The following KCNN3 variants were observed in gnomAD, a reference collection of about 807,000 sequenced individuals.
KCNN3 encodes potassium calcium-activated channel subfamily N member 3, also known as small conductance calcium-activated potassium channel protein 3.
KCNN3 carries 16 observed loss-of-function variants against 62.9 expected under a neutral mutation model. The ratio of observed to expected loss-of-function variants is 0.25; its 90% CI spans 0.17 to 0.39. The LOEUF is 0.39. Ranked by LOEUF, KCNN3 falls within the 10% of genes least tolerant of loss-of-function variation. The pLI is 1.00. For synonymous variants in KCNN3, 370 were observed against 389.2 expected (o/e 0.95, Z 0.58); for missense variants, 599 against 949.4 (o/e 0.63, Z 4.85).
chr1:154,795,782 C>T (rs1649710332), intron 2 of KCNN3, among the ~76,000 whole-genome samples: 1 of 152,124 alleles, frequency 6.6e-6, no homozygotes, highest in Non-Finnish European at 1.5e-5. Context: ...CATGCAGAGG[C>T]CCAGAGACGT....
chr1:154,813,446 A>G (rs890899593), intron 2 of KCNN3, among the ~76,000 whole-genome samples: 1 of 152,066 alleles, frequency 6.6e-6, no homozygotes, highest in Non-Finnish European at 1.5e-5. Flanking sequence ...TTAAGCCCGC[A>G]GGGGAGGAGG....
At chr1:154,754,760 G>A (rs146644848) in intron 3 of KCNN3, among the ~76,000 whole-genome samples, 6 of 152,246 alleles carry the variant, frequency 3.9e-5, no homozygotes, top group South Asian at 2.1e-4. Flanking sequence ...ACACCTTTCC[G>A]GACTTCTTTG....
chr1:154,805,325 T>C (rs1650125163), intron 2 of KCNN3, among the ~76,000 whole-genome samples: 1 of 152,166 alleles, frequency 6.6e-6, no homozygotes, highest in Non-Finnish European at 1.5e-5. Context: ...TCAAATCACC[T>C]GGGGAGCTTG....
intron 2 of KCNN3, among the ~76,000 whole-genome samples, chr1:154,803,125 T>C (rs1261221829): frequency 6.6e-6 from 1 of 152,150 alleles, no homozygotes; most frequent in African/African-American, 2.4e-5. Context: ...CCAGGCTTTG[T>C]GAAGTGGCTC....
intron 2 of KCNN3, among the ~76,000 whole-genome samples, chr1:154,781,915 G>T (rs939059287): frequency 1.3e-5 from 2 of 152,170 alleles, no homozygotes; most frequent in Non-Finnish European, 2.9e-5. Context: ...GCCAGGAAGA[G>T]AATAAGACAG....
At chr1:154,761,370 A>G (rs982457350) in intron 3 of KCNN3, among the ~76,000 whole-genome samples, 2 of 152,142 alleles carry the variant, frequency 1.3e-5, no homozygotes, top group Non-Finnish European at 2.9e-5. Context: ...CAGGAGGGTG[A>G]GGCATGAGAA....
chr1:154,783,157 G>C (rs1301190814), intron 2 of KCNN3, among the ~76,000 whole-genome samples: 1 of 151,044 alleles, frequency 6.6e-6, no homozygotes, highest in Non-Finnish European at 1.5e-5. Flanking sequence ...AGCTTGCAGT[G>C]AGTCGAGATC....
intron 7 of KCNN3, among the ~76,000 whole-genome samples, chr1:154,711,960 G>GGGAGAGGAAGAGAGAGACAGGGAGAC (rs1557936667): frequency 6.6e-6 from 1 of 151,458 alleles, no homozygotes; most frequent in East Asian, 1.9e-4. Flanking sequence ...GACAGGGAAA[G>GGGAGAGGAAGAGAGAGACAGGGAGAC]GGAGAGGAAG....
chr1:154,862,746 T>G lies in KCNN3; in HGVS notation c.933+6286A>C, dbSNP rs1287492609. Among the ~76,000 whole-genome samples, 1 of 152,088 alleles carries G rather than the reference T, an allele frequency of 6.6e-6. No individual in the cohort carries two copies. Among genetic ancestry groups the G allele is most frequent in the Non-Finnish European group, 1.5e-5 (1 of 68,006 alleles). On this transcript the variant is annotated intron_variant, in intron 1 of 7. Transcript: ENST00000271915. This position sits in a 1 kb window ranked among gnomAD's most constrained non-coding sequence, Gnocchi z 4.1. ...TGCCCTGGCCACCCCTCCAGCACTG[T>G]CTTCTCCAGGACCTGCGCCAGCATC...
intron 3 of KCNN3, among the ~76,000 whole-genome samples, chr1:154,763,892 A>G (rs1183610958): frequency 6.6e-6 from 1 of 152,240 alleles, no homozygotes; most frequent in Non-Finnish European, 1.5e-5. Flanking sequence ...TCAGATTATC[A>G]ATCTCATTTT....
chr1:154,842,686 T>C (rs1386870773), intron 1 of KCNN3, among the ~76,000 whole-genome samples: 1 of 133,558 alleles, frequency 7.5e-6, no homozygotes, highest in Admixed American at 9.1e-5. Flanking sequence ...CTGACATAAT[T>C]AAATGCTCAG....
intron 3 of KCNN3, among the ~76,000 whole-genome samples, chr1:154,761,576 C>G (rs7527786): frequency 0.21 from 31,636 of 152,112 alleles, 3,378 homozygotes; most frequent in South Asian, 0.23. Flanking sequence ...CTACATAATG[C>G]TATTTTGTAC....
At chr1:154,819,200 G>A (rs1218601) in intron 2 of KCNN3, among the ~76,000 whole-genome samples, 33,909 of 152,142 alleles carry the variant, frequency 0.22, 4,243 homozygotes, top group Middle Eastern at 0.41. Flanking sequence ...TCCACTCGCA[G>A]GAAGCAGGTT....
rs1223647910 is a variant in KCNN3 at position 154,768,493 on chromosome 1, G to T, written c.1448+3482C>A. Among the ~76,000 whole-genome samples the T allele has an allele frequency of 2.0e-5, 3 of 152,212 alleles. No individual in the cohort carries two copies. The East Asian group carries it at 5.8e-4, about 29-fold the overall frequency. On this transcript the variant is annotated intron_variant, in intron 3 of 7. Transcript: ENST00000271915. ...TGCTCTCAGGATCAATACCTCTGGG[G>T]TATAGAGGAAGTTCCCGGATGCAGT...
rs796385250 is a variant in KCNN3, at chr1:154,772,759, G to A, written c.1030-366C>T. On this transcript the variant is annotated intron_variant, in intron 2 of 7. Transcript: ENST00000271915. This position sits in a 1 kb window ranked among gnomAD's most constrained non-coding sequence, Gnocchi z 5.6. ...ATTTCCAAAGTGATAAGTGTCATTT[G>A]TATGCTAATGAGATGACTAGTGGCT... Among the ~76,000 whole-genome samples, 1 of 152,262 alleles carries A rather than the reference G, an allele frequency of 6.6e-6. No individual in the cohort carries two copies. The highest frequency in any genetic ancestry group is 1.9e-4 in the East Asian group (1 of 5,188).
chr1:154,786,008 A>C (rs990573486), intron 2 of KCNN3, among the ~76,000 whole-genome samples: 5 of 152,176 alleles, frequency 3.3e-5, no homozygotes, highest in Non-Finnish European at 5.9e-5. Flanking sequence ...GACAGGATTT[A>C]AACCAAGAGG....
At chr1:154,829,815 G>A (rs573378703) in intron 1 of KCNN3, among the ~76,000 whole-genome samples, 5 of 152,246 alleles carry the variant, frequency 3.3e-5, no homozygotes, top group East Asian at 1.9e-4. Flanking sequence ...CAGGAACCCC[G>A]CTGGTCTGCC....
chr1:154,800,783 G>A lies in KCNN3; in HGVS notation c.1029+21306C>T, dbSNP rs1038763143. Among the ~76,000 whole-genome samples the A allele has an allele frequency of 1.1e-4, 17 of 152,250 alleles. No individual in the cohort carries two copies. In the East Asian group the frequency reaches 2.5e-3, roughly 23 times the overall value. On this transcript the variant is annotated intron_variant, in intron 2 of 7. Transcript: ENST00000271915. ...TCCATCACCAGGTATGGTACCTCACGCCTGTAATCCCAGCACTTTGGGAGG... is the reference window on the plus strand; with the variant it reads ...TCCATCACCAGGTATGGTACCTCACACCTGTAATCCCAGCACTTTGGGAGG...
intron 3 of KCNN3, among the ~76,000 whole-genome samples, chr1:154,763,686 T>G (rs923457801): frequency 1.3e-5 from 2 of 152,216 alleles, no homozygotes; most frequent in Admixed American, 1.3e-4. Flanking sequence ...GCTTTAAAAG[T>G]CCCACCAAAA....
Sources: gnomAD v4.1 joint callset for allele counts (sites outside exome capture counted in the v4.1 genomes callset) on GRCh38, gnomAD v4.1.1 for gene constraint, Gnocchi (gnomAD v3.1) non-coding constraint, MANE v1.5 for transcripts, NCBI Gene and HGNC (gene_info 2026-07-23, HGNC 2026-07-21) for gene names.